The following FLCN variants were observed in gnomAD, a reference collection of about 807,000 sequenced individuals.
The protein encoded by FLCN is folliculin.
FLCN carries 22 observed loss-of-function variants against 62.5 expected under a neutral mutation model. That is an observed-to-expected ratio of 0.35 (90% CI 0.25 to 0.50). The LOEUF is 0.50. Ranked by LOEUF, FLCN falls within the 20% of genes least tolerant of loss-of-function variation. The pLI is 0.97. For missense variants in FLCN, 657 were observed against 778.0 expected (o/e 0.84, Z 1.85); for synonymous variants, 319 against 310.0 (o/e 1.03, Z -0.30).
Position 17,213,783 on chromosome 17 carries a change from T to C in FLCN, c.1612A>G (p.Ile538Val), listed in dbSNP as rs2046821567. The change falls in exon 14 of 14, where the codon ATC (isoleucine) becomes GTC (valine). Residue 538 changes from isoleucine (I) to valine (V), a missense_variant. Coordinates refer to ENST00000285071, the MANE Select transcript of FLCN (RefSeq NM_144997.7). ...PKEDTQKLLS[I>V]LGASEEDNVK... ...TTGTCCTCCTCGGACGCACCCAGGA[T>C]GCTCAGCAGCTTCTGTGTGTCCTCT... is the stretch of plus-strand genomic sequence containing the variant. 6.2e-7 allele frequency: 1 copy of C among 1,614,260 alleles called. No individual in the cohort carries two copies. Among genetic ancestry groups the C allele is most frequent in the Non-Finnish European group, 8.5e-7 (1 of 1,180,044 alleles).
Position 17,221,559 on chromosome 17 carries a change from C to T in FLCN, c.849G>A (p.Leu283=). Residue 283 remains leucine, a synonymous_variant, in exon 8 of 14, where the codon TTG becomes TTA. Coordinates refer to ENST00000285071, the MANE Select transcript of FLCN (RefSeq NM_144997.7). The part of the protein sequence containing the change: ...LLEGAPTEDT[L]VQMEKLADLE... ...CACCAGCGAGCTTCTCCATCTGGAC[C>T]AAGGTATCCTCGGTCGGAGCACCTT... The T allele has an allele frequency of 1.9e-6, 3 of 1,612,994 alleles. No individual in the cohort carries two copies. The highest frequency in any genetic ancestry group is 2.2e-5 in the East Asian group (1 of 44,888).
At position 17,228,126 on chromosome 17, in the gene FLCN, G is replaced by T. The variant is rs752123350; in HGVS notation, c.12C>A (p.Ile4=). 3 of 1,612,824 alleles carry T rather than the reference G, an allele frequency of 1.9e-6. No homozygotes were observed. Among genetic ancestry groups the T allele is most frequent in the African/African-American group, 1.3e-5 (1 of 74,948 alleles). Residue 4 remains isoleucine (I), a synonymous_variant, in exon 4 of 14, where the codon ATC becomes ATA. Coordinates refer to ENST00000285071, the MANE Select transcript of FLCN (RefSeq NM_144997.7). Reference sequence around the variant, plus strand: ...GCTCGCAGAAGTGGCAGAGAGCCACGATGGCATTCATGGTGCCTTGGAGAC... The same window carrying T: ...GCTCGCAGAAGTGGCAGAGAGCCACTATGGCATTCATGGTGCCTTGGAGAC... The part of the protein sequence containing the change: MNA[I]VALCHFCELH...
rs2047313909 is a variant in FLCN at position 17,228,082 on chromosome 17, A to G, written c.56T>C (p.Leu19Pro). ...GGCGTGCAGCACCTCCGTGCAGAAG[A>G]GAGTGCGGGGGCCGTGGAGCTCGCA... ...HFCELHGPRT[L>P]FCTEVLHAPL... Residue 19 changes from leucine (L) to proline (P), a missense_variant, in exon 4 of 14, where the codon CTC becomes CCC. By Grantham distance (98) the Leu-to-Pro change is moderately conservative (BLOSUM62 -3). Transcript: ENST00000285071. 5 of 1,613,580 alleles carry G rather than the reference A, an allele frequency of 3.1e-6. No individual in the cohort carries two copies. Among genetic ancestry groups the G allele is most frequent in the Non-Finnish European group, 4.2e-6 (5 of 1,180,038 alleles).
chr17:17,218,196 G>A (rs1220916708), intron 9 of FLCN, among the ~76,000 whole-genome samples: 2 of 152,148 alleles, frequency 1.3e-5, no homozygotes, highest in African/African-American at 4.8e-5. Flanking sequence ...CATCTGACTC[G>A]ATGTAACTGG....
intron 1 of FLCN, among the ~76,000 whole-genome samples, chr17:17,234,990 T>C (rs1283419580): frequency 6.6e-6 from 1 of 151,714 alleles, no homozygotes; most frequent in African/African-American, 2.4e-5. Context: ...CGGGGGCCTG[T>C]AGCCCCAGCT....
In FLCN at chr17:17,227,873, C is replaced by T. The variant is rs372318505; in HGVS notation, c.249+16G>A. The T allele has an allele frequency of 5.0e-6, 8 of 1,613,958 alleles. No homozygotes were observed. The African/African-American group carries it at 9.3e-5, about 19-fold the overall frequency. On this transcript the variant is annotated intron_variant, in intron 4 of 13. Coordinates refer to ENST00000285071, the MANE Select transcript of FLCN (RefSeq NM_144997.7). ...TACTGCAGGGATCACAAAACCAAGA[C>T]CCCAAAGACACTTGCCTCGCACATG...
Position 17,227,781 on chromosome 17 carries a change from G to A in FLCN, c.249+108C>T, listed in dbSNP as rs538967970. On this transcript the variant is annotated intron_variant, in intron 4 of 13. Transcript: ENST00000285071. ...GCGGAAAGAACTGAAGGGCCCCTGA[G>A]AAGCAGTCTGTGTCACCCCGGGAGG... The A allele has an allele frequency of 1.5e-5, 23 of 1,496,564 alleles. No homozygotes were observed. The South Asian group carries it at 2.5e-4, about 16-fold the overall frequency. 92.7% of individuals were successfully genotyped at this position (1,496,564 alleles called of 1,614,324 possible).
Position 17,232,173 on chromosome 17 carries a change from T to C in FLCN, c.-113-291A>G, listed in dbSNP as rs77055033. Among the ~76,000 whole-genome samples, 5,077 of 152,184 alleles carry C rather than the reference T, an allele frequency of 0.033. 115 individuals are homozygous for C. Among genetic ancestry groups the C allele is most frequent in the African/African-American group, 0.071 (2,934 of 41,510 alleles). On this transcript the variant is annotated intron_variant, in intron 2 of 13. Transcript: ENST00000285071. ...GGCTGGGGACAAAGGTCAGGAATGC[T>C]CCACACACCGTCACCTGGCTCACTC...
chr17:17,228,039 A>T lies in FLCN; in HGVS notation c.99T>A (p.Asp33Glu), dbSNP rs375348725. Residue 33 changes from aspartate (D) to glutamate (E), a missense_variant, in exon 4 of 14, where the codon GAT becomes GAA. Asp to Glu is a conservative substitution (Grantham distance 45). Transcript: ENST00000285071. ...CCTGGCCAGGACTGTCCTCATTCCCATCCCCTTGAGGAAGTGGGGCGTGCA... is the reference window on the plus strand; with the variant it reads ...CCTGGCCAGGACTGTCCTCATTCCCTTCCCCTTGAGGAAGTGGGGCGTGCA... ...EVLHAPLPQG[D>E]GNEDSPGQGE... 5.0e-6 allele frequency: 8 copies of T among 1,613,680 alleles called. No individual in the cohort carries two copies. Among genetic ancestry groups the T allele is most frequent in the African/African-American group, 1.3e-5 (1 of 74,924 alleles).
In FLCN at chr17:17,213,096, C is replaced by A; in HGVS notation, c.*559G>T. ...CTTCAGAACACACATTTCAGAGGACCAAAAGATGAGGAAGAGATCCACTTC... is the reference window on the plus strand; with the variant it reads ...CTTCAGAACACACATTTCAGAGGACAAAAAGATGAGGAAGAGATCCACTTC... On this transcript the variant is annotated 3_prime_UTR_variant, in exon 14 of 14. Transcript: ENST00000285071. The A allele has an allele frequency of 3.8e-6, 1 of 264,470 alleles. No homozygotes were observed. 16.4% of individuals were successfully genotyped at this position (264,470 alleles called of 1,614,324 possible). A position where few individuals can be genotyped will look rare whatever the true frequency, so the allele number is the denominator to read the frequency against.
At chr17:17,227,801 G>A (rs1320200448) in intron 4 of FLCN, 88 bp downstream of exon 4, 38 of 1,584,532 alleles carry the variant, frequency 2.4e-5, no homozygotes, top group African/African-American at 4.0e-5. Flanking sequence ...GTGTCACCCC[G>A]GGAGGCCCCG....
Position 17,215,213 on chromosome 17 carries a change from G to A in FLCN, c.1404C>T (p.Thr468=), listed in dbSNP as rs777113065. The change falls in exon 12 of 14, where the codon ACC becomes ACT. Residue 468 remains threonine, a synonymous_variant. Coordinates refer to ENST00000285071, the MANE Select transcript of FLCN (RefSeq NM_144997.7). ...GGTCTGCAGCTACAGGGCTCCCACT[G>A]GTCACCACAAACTCGTACTTGCTGA... The part of the protein sequence containing the change: ...QSLSKYEFVV[T]SGSPVAADRV... 6.2e-7 allele frequency: 1 copy of A among 1,614,172 alleles called. No individual in the cohort carries two copies. The highest frequency in any genetic ancestry group is 8.5e-7 in the Non-Finnish European group (1 of 1,180,046).
chr17:17,228,725 G>C (rs1013231341), intron 3 of FLCN: 1 of 169,602 alleles, frequency 5.9e-6, no homozygotes, highest in South Asian at 1.5e-4. Flanking sequence ...ACTGGCTTAC[G>C]GGGCCAAGCA....
intron 2 of FLCN, 69 bp downstream of exon 2, chr17:17,232,719 T>C (rs556392002): frequency 1.3e-5 from 2 of 152,604 alleles, no homozygotes; most frequent in African/African-American, 4.8e-5. Flanking sequence ...AGGTTCCTTC[T>C]AGCAAGACAT....
In FLCN at chr17:17,222,571, CG is replaced by C. The variant is rs886039369; in HGVS notation, c.708del (p.Asn236LysfsTer6). On this transcript the variant is annotated frameshift_variant, in exon 7 of 14. Transcript: ENST00000285071. LOFTEE classifies it high-confidence loss of function. ...GTCAGCGATGTCAGCGAGCGGGCGGCGTTGCCGTTCCTCTGGTGTAGGAATG... is the reference window on the plus strand; with the variant it reads ...GTCAGCGATGTCAGCGAGCGGGCGGCTTGCCGTTCCTCTGGTGTAGGAATG... Reference protein sequence around the residue: ...FTPFLHQRNGNAARSLTSLTS... With the variant: ...FTPFLHQRNGXAARSLTSLTS... The C allele has an allele frequency of 6.2e-7, 1 of 1,614,230 alleles. No homozygotes were observed. The highest frequency in any genetic ancestry group is 8.5e-7 in the Non-Finnish European group (1 of 1,180,042).
chr17:17,213,641 G>T lies in FLCN; in HGVS notation c.*14C>A, dbSNP rs748379299. On this transcript the variant is annotated 3_prime_UTR_variant, in exon 14 of 14. Coordinates refer to ENST00000285071, the MANE Select transcript of FLCN (RefSeq NM_144997.7). ...GACAGCCATCCCTGTCTTTAGGCAG[G>T]TGTGTGTGACGGGTCAGTTCCGAGA... The T allele has an allele frequency of 2.4e-5, 39 of 1,614,040 alleles. No homozygotes were observed. The highest frequency in any genetic ancestry group is 3.2e-5 in the Non-Finnish European group (38 of 1,180,020).
At chr17:17,235,495 C>T (rs1266794996) in intron 1 of FLCN, 3 of 152,196 alleles carry the variant, frequency 2.0e-5, no homozygotes, top group African/African-American at 4.8e-5. Context: ...ACTTGTCAGA[C>T]GAGAGCTCTG....
At chr17:17,219,356 G>C in intron 8 of FLCN, 147 bp from the exon 9 acceptor site, 2 of 459,324 alleles carry the variant, frequency 4.4e-6, no homozygotes, top group South Asian at 1.6e-5. Flanking sequence ...TGCTCTGGGA[G>C]CCCTGGGGTG....
At chr17:17,213,985 C>A in intron 13 of FLCN, 129 bp from the exon 14 acceptor site, 2 of 998,928 alleles carry the variant, frequency 2.0e-6, no homozygotes, top group South Asian at 1.3e-5. Context: ...GGAATCCACA[C>A]CCTTGGGGCA....
Sources: allele counts gnomAD v4.1 joint callset (sites outside exome capture counted in the v4.1 genomes callset), GRCh38; gene constraint gnomAD v4.1.1; transcripts MANE v1.5; gene names NCBI Gene and HGNC (gene_info 2026-07-23, HGNC 2026-07-21).